The following CPA6 variants were observed in gnomAD, a reference collection of about 807,000 sequenced individuals.
CPA6 encodes the protein carboxypeptidase A6, also known as carboxypeptidase B.
Under a neutral mutation model 63.3 loss-of-function variants are expected in CPA6, and 58 were observed. The observed-to-expected ratio is 0.92, with a 90% confidence interval of 0.74 to 1.14. The LOEUF is 1.14. Among genes scored for constraint, CPA6 ranks in the 50% most tolerant of loss-of-function variants. The pLI is 0.00. For synonymous variants in CPA6, 185 were observed against 179.0 expected (o/e 1.03, Z -0.27); for missense variants, 565 against 526.6 (o/e 1.07, Z -0.71).
At chr8:67,511,748 G>A in intron 3 of CPA6, 93 bp from the exon 4 acceptor site, 2 of 742,338 alleles carry the variant, frequency 2.7e-6, no homozygotes, top group Admixed American at 4.0e-5. Context: ...TCTATGTAAA[G>A]AAAGACTGTG....
chr8:67,493,404 G>C (rs1811646446), intron 6 of CPA6, among the ~76,000 whole-genome samples: 1 of 152,128 alleles, frequency 6.6e-6, no homozygotes, highest in Non-Finnish European at 1.5e-5. Context: ...CTTCTGGAAA[G>C]ACTTCCCAGT....
At chr8:67,598,963 A>G (rs1181368196) in intron 2 of CPA6, among the ~76,000 whole-genome samples, 1 of 152,120 alleles carries the variant, frequency 6.6e-6, no homozygotes, top group Non-Finnish European at 1.5e-5. Flanking sequence ...ACCAGATTTG[A>G]GCAATTTATA....
At chr8:67,580,437 T>C (rs1473867766) in intron 2 of CPA6, among the ~76,000 whole-genome samples, 2 of 152,244 alleles carry the variant, frequency 1.3e-5, no homozygotes, top group Non-Finnish European at 2.9e-5. Context: ...GCTTCCAGAC[T>C]ATTATTCAGG....
chr8:67,535,952 T>G (rs555682080), intron 2 of CPA6, among the ~76,000 whole-genome samples: 71 of 152,370 alleles, frequency 4.7e-4, no homozygotes, highest in African/African-American at 1.6e-3. Flanking sequence ...ACACCATTTA[T>G]TAAATAGGGA....
At chr8:67,581,653 A>G (rs997486555) in intron 2 of CPA6, among the ~76,000 whole-genome samples, 1 of 152,224 alleles carries the variant, frequency 6.6e-6, no homozygotes, top group Non-Finnish European at 1.5e-5. Flanking sequence ...GAAATACACA[A>G]GAGATGCTGT....
At chr8:67,666,461 G>A (rs1048868244) in intron 1 of CPA6, among the ~76,000 whole-genome samples, 1 of 152,308 alleles carries the variant, frequency 6.6e-6, no homozygotes, top group Admixed American at 6.5e-5. Context: ...GGCCCTGGTA[G>A]CAGCCAGTAA....
At chr8:67,596,378 G>T (rs1371728062) in intron 2 of CPA6, among the ~76,000 whole-genome samples, 2 of 152,122 alleles carry the variant, frequency 1.3e-5, no homozygotes, top group African/African-American at 4.8e-5. Context: ...GGCTTCCATT[G>T]CTTCTGCTGA....
intron 1 of CPA6, among the ~76,000 whole-genome samples, chr8:67,715,378 G>T (rs1267779136): frequency 6.6e-6 from 1 of 152,204 alleles, no homozygotes. Context: ...TCACTTTACT[G>T]CTGCCTTCAT....
intron 8 of CPA6, among the ~76,000 whole-genome samples, chr8:67,458,206 A>ATTTT (rs1227303873): frequency 6.6e-6 from 1 of 151,862 alleles, no homozygotes; most frequent in East Asian, 1.9e-4. Flanking sequence ...CACTTTATTT[A>ATTTT]TTTTTTTTGA....
chr8:67,665,113 T>C (rs1256242245), intron 1 of CPA6, among the ~76,000 whole-genome samples: 1 of 152,188 alleles, frequency 6.6e-6, no homozygotes, highest in Non-Finnish European at 1.5e-5. Flanking sequence ...AAAGGCCAGG[T>C]AGACTATCAA....
At chr8:67,580,260 G>A (rs1813735821) in intron 2 of CPA6, among the ~76,000 whole-genome samples, 2 of 152,238 alleles carry the variant, frequency 1.3e-5, no homozygotes, top group Non-Finnish European at 2.9e-5. Context: ...AGCTGTGGGG[G>A]TGCTTCTCAT....
intron 2 of CPA6, among the ~76,000 whole-genome samples, chr8:67,563,785 C>T (rs913040133): frequency 1.3e-5 from 2 of 152,116 alleles, no homozygotes; most frequent in Non-Finnish European, 2.9e-5. Flanking sequence ...ATGTTTAGTC[C>T]ATGTCCTTCA....
At chr8:67,743,361 A>G (rs1339188161) in intron 1 of CPA6, among the ~76,000 whole-genome samples, 1 of 152,062 alleles carries the variant, frequency 6.6e-6, no homozygotes, top group Non-Finnish European at 1.5e-5. Context: ...TATATACCCA[A>G]TATATATTTA....
intron 1 of CPA6, among the ~76,000 whole-genome samples, chr8:67,717,165 T>C (rs1817399562): frequency 6.6e-6 from 1 of 152,154 alleles, no homozygotes. Context: ...TTAGGAAAAA[T>C]AGCCTGCAAC....
At chr8:67,602,566 CAAAAGCTGATGTCTACTA>C (rs1814523190) in intron 2 of CPA6, among the ~76,000 whole-genome samples, 2 of 152,126 alleles carry the variant, frequency 1.3e-5, no homozygotes, top group Admixed American at 1.3e-4. Context: ...AAAATAGAAA[CAAAAGCTGATGTCTACTA>C]AAAGGCTTCC....
At chr8:67,511,356 T>G (rs1812038616) in intron 4 of CPA6, among the ~76,000 whole-genome samples, 185 bp downstream of exon 4, 1 of 152,150 alleles carries the variant, frequency 6.6e-6, no homozygotes, top group South Asian at 2.1e-4. Context: ...TTATATACCA[T>G]CAAAGACTTA....
At chr8:67,462,063 A>G (rs1014609757) in intron 8 of CPA6, among the ~76,000 whole-genome samples, 3 of 152,096 alleles carry the variant, frequency 2.0e-5, no homozygotes, top group African/African-American at 7.2e-5. Flanking sequence ...TGAATGGCCA[A>G]TGGACATACA....
intron 2 of CPA6, among the ~76,000 whole-genome samples, chr8:67,574,611 A>G (rs1813575728): frequency 1.3e-5 from 2 of 152,186 alleles, no homozygotes; most frequent in African/African-American, 4.8e-5. Context: ...TGAACTTGAC[A>G]AAGGTGCCAA....
chr8:67,443,474 C>T (rs557957152), intron 8 of CPA6, among the ~76,000 whole-genome samples: 1 of 152,242 alleles, frequency 6.6e-6, no homozygotes, highest in African/African-American at 2.4e-5. Context: ...TCTTGAGCTA[C>T]CATAACTGTG....
Sources: gnomAD v4.1 joint callset for allele counts (sites outside exome capture counted in the v4.1 genomes callset) on GRCh38, gnomAD v4.1.1 for gene constraint, MANE v1.5 for transcripts, NCBI Gene and HGNC (gene_info 2026-07-23, HGNC 2026-07-21) for gene names.